FABP7: variants seen among roughly 807,000 people sequenced by gnomAD.
FABP7 encodes fatty acid binding protein 7, also known as fatty acid-binding protein, brain.
Under a neutral mutation model 14.2 loss-of-function variants are expected in FABP7, and 13 were observed. The observed-to-expected ratio is 0.91, with a 90% confidence interval of 0.59 to 1.45. The LOEUF is 1.45. FABP7 is among the 40% of genes most tolerant of loss of function. The probability of loss-of-function intolerance (pLI) is 0.00; values close to 1 mark genes in which losing one functional copy is unlikely to be tolerated. For synonymous variants in FABP7, 49 were observed against 51.4 expected (o/e 0.95, Z 0.20); for missense variants, 149 against 157.6 (o/e 0.95, Z 0.29).
chr6:122,761,876 G>A, the FABP7 span, among the ~76,000 whole-genome samples: 1 of 152,004 alleles, frequency 6.6e-6, no homozygotes, highest in African/African-American at 2.4e-5. Context: ...AAAAGAAGAT[G>A]TTCAAATTGA....
chr6:122,778,622 C>G (rs930376902), upstream of FABP7, among the ~76,000 whole-genome samples: 1 of 152,186 alleles, frequency 6.6e-6, no homozygotes, highest in Non-Finnish European at 1.5e-5. Flanking sequence ...AGGAAGGAAT[C>G]TCTTTGGGTG....
chr6:122,752,952 G>GT, the FABP7 span, among the ~76,000 whole-genome samples: 139 of 152,216 alleles, frequency 9.1e-4, no homozygotes, highest in African/African-American at 2.8e-3. Flanking sequence ...TGTTTCCATT[G>GT]TTTTTTGCTG....
the FABP7 span, among the ~76,000 whole-genome samples, chr6:122,755,837 G>A: frequency 5.3e-5 from 8 of 152,012 alleles, no homozygotes; most frequent in South Asian, 2.1e-4. Flanking sequence ...CCAGCCAAAC[G>A]ACAGATGAAA....
At position 122,779,726 on chromosome 6, in the gene FABP7, T is replaced by C; in HGVS notation, c.-69T>C. The C allele has an allele frequency of 2.0e-6, 3 of 1,489,452 alleles. No individual in the cohort carries two copies. The highest frequency in any genetic ancestry group is 2.3e-5 in the East Asian group (1 of 44,222). 92.3% of individuals were successfully genotyped at this position (1,489,452 alleles called of 1,614,324 possible). On this transcript the variant is annotated 5_prime_UTR_variant, in exon 1 of 4. Coordinates refer to ENST00000368444, the MANE Select transcript of FABP7 (RefSeq NM_001446.5). ...GCTGCTTGCTGAGGTGTAAAGGGTCTTCTGAGCTGCAGTGGCAATTAGACC... is the reference window on the plus strand; with the variant it reads ...GCTGCTTGCTGAGGTGTAAAGGGTCCTCTGAGCTGCAGTGGCAATTAGACC...
upstream of FABP7, among the ~76,000 whole-genome samples, chr6:122,776,112 T>C (rs957289095): frequency 1.3e-5 from 2 of 152,118 alleles, no homozygotes; most frequent in African/African-American, 4.8e-5. Context: ...GAAAACAGTA[T>C]GGAGATTCCT....
upstream of FABP7, chr6:122,779,460 G>T (rs1780725905): frequency 3.9e-6 from 1 of 258,196 alleles, no homozygotes. Flanking sequence ...CAGCCCCATT[G>T]AATCCCTGCC....
chr6:122,756,160 T>C, the FABP7 span, among the ~76,000 whole-genome samples: 1 of 152,124 alleles, frequency 6.6e-6, no homozygotes, highest in African/African-American at 2.4e-5. Flanking sequence ...GCTATTCAGA[T>C]AAACTCCCCT....
the FABP7 span, among the ~76,000 whole-genome samples, chr6:122,760,176 G>T: frequency 6.6e-6 from 1 of 151,970 alleles, no homozygotes; most frequent in African/African-American, 2.4e-5. Context: ...TTTGACCAAG[G>T]TACACACCCA....
chr6:122,782,753 A>G (rs1564900), intron 3 of FABP7: 178,464 of 985,230 alleles, frequency 0.18, 16,682 homozygotes, highest in East Asian at 0.3. Context: ...GACTACTGCA[A>G]TCAGCACTGT....
At chr6:122,758,665 T>C in the FABP7 span, among the ~76,000 whole-genome samples, 1 of 152,216 alleles carries the variant, frequency 6.6e-6, no homozygotes, top group South Asian at 2.1e-4. Context: ...AAGTATATGC[T>C]GGGCTTTGAA....
chr6:122,768,944 G>A, the FABP7 span, among the ~76,000 whole-genome samples: 1 of 152,060 alleles, frequency 6.6e-6, no homozygotes, highest in Admixed American at 6.6e-5. Flanking sequence ...ATTCGAACAG[G>A]TTTTGTATTT....
the FABP7 span, among the ~76,000 whole-genome samples, chr6:122,762,049 C>A: frequency 1.3e-5 from 2 of 152,134 alleles, no homozygotes; most frequent in African/African-American, 4.8e-5. Flanking sequence ...ATGAGGCCAG[C>A]GTCATCCTGA....
chr6:122,758,952 T>C, the FABP7 span, among the ~76,000 whole-genome samples: 1 of 152,184 alleles, frequency 6.6e-6, no homozygotes, highest in Admixed American at 6.5e-5. Flanking sequence ...CTAAATCTTA[T>C]AGTGGAAAAT....
At chr6:122,773,165 A>G in the FABP7 span, among the ~76,000 whole-genome samples, 1 of 152,198 alleles carries the variant, frequency 6.6e-6, no homozygotes, top group African/African-American at 2.4e-5. Context: ...AGTAACTAGA[A>G]TTTCTATATA....
upstream of FABP7, among the ~76,000 whole-genome samples, chr6:122,777,961 A>G (rs1223304433): frequency 6.6e-6 from 1 of 152,144 alleles, no homozygotes. Flanking sequence ...ATTCATCTAT[A>G]AGCTGTAAGC....
At position 122,780,314 on chromosome 6, in the gene FABP7, G is replaced by T; in HGVS notation, c.97G>T (p.Val33Leu). 1 of 1,614,184 alleles carries T rather than the reference G, an allele frequency of 6.2e-7. No homozygotes were observed. Among genetic ancestry groups the T allele is most frequent in the Non-Finnish European group, 8.5e-7 (1 of 1,180,044 alleles). The part of the protein sequence containing the change: ...ALGVGFATRQ[V>L]GNVTKPTVII... ...AGGCGTGGGCTTTGCCACTAGGCAG[G>T]TGGGAAATGTGACCAAACCAACGGT... Residue 33 changes from valine to leucine, a missense_variant, in exon 2 of 4, where the codon GTG becomes TTG. Val to Leu is a conservative substitution (Grantham distance 32). Transcript: ENST00000368444.
chr6:122,779,496 A>T (rs1431454933), upstream of FABP7: 1 of 413,140 alleles, frequency 2.4e-6, no homozygotes, highest in East Asian at 4.3e-5. Context: ...TAAGGGCTGT[A>T]GTGTGAGGAT....
the FABP7 span, among the ~76,000 whole-genome samples, chr6:122,761,100 T>C: frequency 1.3e-5 from 2 of 152,174 alleles, no homozygotes; most frequent in Non-Finnish European, 2.9e-5. Context: ...TCTCAAAGTT[T>C]TATTTTGGTA....
At chr6:122,766,447 T>C in the FABP7 span, among the ~76,000 whole-genome samples, 1 of 152,114 alleles carries the variant, frequency 6.6e-6, no homozygotes, top group Non-Finnish European at 1.5e-5. Context: ...AAAGATATAT[T>C]GCCAGATTTC....
Sources: allele counts gnomAD v4.1 joint callset (sites outside exome capture counted in the v4.1 genomes callset), GRCh38; gene constraint gnomAD v4.1.1; transcripts MANE v1.5; gene names NCBI Gene and HGNC (gene_info 2026-07-23, HGNC 2026-07-21).